The following NEURL1B variants were observed in gnomAD, a reference collection of about 807,000 sequenced individuals.
NEURL1B encodes the protein E3 ubiquitin-protein ligase NEURL1B.
A neutral mutation model predicts 37.4 loss-of-function variants in NEURL1B; 13 were observed. The observed-to-expected ratio is 0.35, with a 90% CI of 0.23 to 0.55. The LOEUF is 0.55. Among genes scored for constraint, NEURL1B ranks in the 20% least tolerant of loss-of-function variants. The probability of loss-of-function intolerance (pLI) is 0.89; values close to 1 mark genes in which losing one functional copy is unlikely to be tolerated. For missense variants in NEURL1B, 790 were observed against 879.2 expected (o/e 0.90, Z 1.28); for synonymous variants, 432 against 426.6 (o/e 1.01, Z -0.16).
At chr5:172,642,477 A>G (rs1208539074) in intron 1 of NEURL1B, among the ~76,000 whole-genome samples, 2 of 152,206 alleles carry the variant, frequency 1.3e-5, no homozygotes, top group Non-Finnish European at 2.9e-5. Flanking sequence ...GCTCGGCTCA[A>G]TGGGGAAGCA....
intron 1 of NEURL1B, among the ~76,000 whole-genome samples, chr5:172,660,377 T>C (rs1009358065): frequency 6.6e-6 from 1 of 152,180 alleles, no homozygotes; most frequent in Non-Finnish European, 1.5e-5. Context: ...TAGGCCTGGA[T>C]GGAGTGAGCT....
intron 1 of NEURL1B, among the ~76,000 whole-genome samples, chr5:172,666,184 C>T (rs938078850): frequency 3.1e-5 from 4 of 127,442 alleles, no homozygotes; most frequent in Non-Finnish European, 6.1e-5. Flanking sequence ...AAACAACAAC[C>T]ACCACCACCA....
At chr5:172,666,013 T>C (rs1758004627) in intron 1 of NEURL1B, among the ~76,000 whole-genome samples, 1 of 152,220 alleles carries the variant, frequency 6.6e-6, no homozygotes, top group Non-Finnish European at 1.5e-5. Context: ...GTCTGCTGCC[T>C]GTGCCAGTCC....
chr5:172,656,063 T>C (rs529455042), intron 1 of NEURL1B, among the ~76,000 whole-genome samples: 1 of 152,232 alleles, frequency 6.6e-6, no homozygotes, highest in Non-Finnish European at 1.5e-5. Flanking sequence ...CCCTGACGCA[T>C]GTGGCCCCTG....
At chr5:172,679,759 G>A (rs909383611) in intron 2 of NEURL1B, among the ~76,000 whole-genome samples, 6 of 152,220 alleles carry the variant, frequency 3.9e-5, no homozygotes, top group Admixed American at 1.3e-4. Flanking sequence ...CACATGTGCT[G>A]TTCTCTGTGC....
intron 1 of NEURL1B, among the ~76,000 whole-genome samples, chr5:172,669,499 T>C (rs1402418275): frequency 6.6e-6 from 1 of 151,680 alleles, no homozygotes; most frequent in Non-Finnish European, 1.5e-5. Flanking sequence ...TGTCGTGGGC[T>C]CTTGGTGTTG....
At chr5:172,681,384 TAC>T (rs1444527274) in intron 2 of NEURL1B, among the ~76,000 whole-genome samples, 1 of 152,228 alleles carries the variant, frequency 6.6e-6, no homozygotes, top group Non-Finnish European at 1.5e-5. Context: ...AATAAAATGA[TAC>T]AGACAGATGT....
intron 1 of NEURL1B, among the ~76,000 whole-genome samples, chr5:172,659,363 G>A (rs775087847): frequency 6.6e-6 from 1 of 152,126 alleles, no homozygotes; most frequent in Non-Finnish European, 1.5e-5. Context: ...CACCCAGGCT[G>A]GGGGAGTGGC....
chr5:172,643,637 G>A (rs560571232), intron 1 of NEURL1B, among the ~76,000 whole-genome samples: 1 of 152,280 alleles, frequency 6.6e-6, no homozygotes, highest in African/African-American at 2.4e-5. Context: ...CCATCCCAGA[G>A]ACTGGTGCCT....
intron 1 of NEURL1B, among the ~76,000 whole-genome samples, chr5:172,663,829 T>TTTTTTTTTATTATTATTATTATTA (rs138220033): frequency 0.046 from 6,460 of 140,754 alleles, 260 homozygotes; most frequent in South Asian, 0.074. Flanking sequence ...GTTTTATTTG[T>TTTTTTTTTATTATTATTATTATTA]TTATTATTAT....
chr5:172,670,281 C>G lies in NEURL1B; in HGVS notation c.528C>G (p.Leu176=). 1 of 1,387,082 alleles carries G rather than the reference C, an allele frequency of 7.2e-7. No homozygotes were observed. Among genetic ancestry groups the G allele is most frequent in the Non-Finnish European group, 9.3e-7 (1 of 1,075,126 alleles). 85.9% of individuals were successfully genotyped at this position (1,387,082 alleles called of 1,614,324 possible). Residue 176 remains leucine (L), a synonymous_variant, in exon 2 of 5, where the codon CTC becomes CTG. Transcript: ENST00000369800. ...FHCGVAVGGP[L]WALIDVYGIT... Reference sequence around the variant, plus strand: ...GCGGCGTGGCCGTGGGCGGCCCGCTCTGGGCGCTCATTGATGTCTACGGCA... The same window carrying G: ...GCGGCGTGGCCGTGGGCGGCCCGCTGTGGGCGCTCATTGATGTCTACGGCA...
intron 1 of NEURL1B, among the ~76,000 whole-genome samples, chr5:172,649,265 A>G (rs1757616104): frequency 6.6e-6 from 1 of 151,008 alleles, no homozygotes; most frequent in African/African-American, 2.4e-5. Flanking sequence ...ATTATCCACG[A>G]AGACGCCTTT....
At position 172,670,042 on chromosome 5, in the gene NEURL1B, C is replaced by G. The variant is rs1758092124; in HGVS notation, c.289C>G (p.Leu97Val). ...CGTGCGCCCTGGCTGGAGCGGCGCG[C>G]TGCGCTTCGGCTTCACCGCGCACGA... ...VAVRPGWSGA[L>V]RFGFTAHDPS... is the part of the protein sequence containing the mutation. The change falls in exon 2 of 5, where the codon CTG (leucine) becomes GTG (valine). Residue 97 changes from leucine (L) to valine (V), a missense_variant. Around this residue, in one of 3 missense-constraint regions of NEURL1B, gnomAD observed 215 missense variants for 309.2 expected, o/e 0.70. Transcript: ENST00000369800. 7 of 1,510,236 alleles carry G rather than the reference C, an allele frequency of 4.6e-6. No individual in the cohort carries two copies. Among genetic ancestry groups the G allele is most frequent in the Non-Finnish European group, 6.2e-6 (7 of 1,135,304 alleles). The allele number at this position is 1,510,236 out of a possible 1,614,324, so 93.6% of individuals were successfully genotyped here.
At position 172,690,495 on chromosome 5, in the gene NEURL1B, A is replaced by G. The variant is rs775109756; in HGVS notation, c.*3570A>G. 6.6e-6 allele frequency: 1 copy of G among 152,262 alleles called. No homozygotes were observed. Among genetic ancestry groups the G allele is most frequent in the African/African-American group, 2.4e-5 (1 of 41,462 alleles). 9.4% of individuals were successfully genotyped at this position (152,262 alleles called of 1,614,324 possible). ...TAAAACAGCACCACATAACGCACACAAAGATACTCCAGAAACATTTGCTGA... is the reference window on the plus strand; with the variant it reads ...TAAAACAGCACCACATAACGCACACGAAGATACTCCAGAAACATTTGCTGA... On this transcript the variant is annotated 3_prime_UTR_variant, in exon 5 of 5. Coordinates refer to ENST00000369800, the MANE Select transcript of NEURL1B (RefSeq NM_001142651.3).
At chr5:172,662,346 T>A (rs1196747006) in intron 1 of NEURL1B, 1 of 153,900 alleles carries the variant, frequency 6.5e-6, no homozygotes, top group Non-Finnish European at 1.5e-5. Context: ...TAAACCCAGG[T>A]CTGACTCCAA....
rs988930145 is a variant in NEURL1B, at chr5:172,683,065, T to G, written c.578-354T>G. Among the ~76,000 whole-genome samples the G allele has an allele frequency of 1.4e-4, 21 of 152,054 alleles. No homozygotes were observed. The highest frequency in any genetic ancestry group is 3.4e-3 in the Middle Eastern group (1 of 294). On this transcript the variant is annotated intron_variant, in intron 2 of 4. Transcript: ENST00000369800. This position sits in a 1 kb window ranked among gnomAD's most constrained non-coding sequence, Gnocchi z 5.6. ...AAACGATTTTTAGATGCCCTTTTAA[T>G]GATCAAAGTATGGAAACCTCGGAAA...
intron 1 of NEURL1B, among the ~76,000 whole-genome samples, chr5:172,643,068 G>A (rs1045539939): frequency 2.0e-5 from 3 of 152,228 alleles, no homozygotes; most frequent in Non-Finnish European, 2.9e-5. Flanking sequence ...ACGCCAGGCA[G>A]GCTAAATATA....
chr5:172,642,562 C>T (rs997893082), intron 1 of NEURL1B, among the ~76,000 whole-genome samples: 1 of 152,208 alleles, frequency 6.6e-6, no homozygotes, highest in African/African-American at 2.4e-5. Flanking sequence ...ATAACACTCC[C>T]ATATAGCTCT....
At chr5:172,666,826 G>A (rs1053777498) in intron 1 of NEURL1B, among the ~76,000 whole-genome samples, 3 of 152,138 alleles carry the variant, frequency 2.0e-5, no homozygotes, top group Admixed American at 1.3e-4. Context: ...TGCATCAGGG[G>A]AGGCCTGGCC....
Sources: gnomAD v4.1 joint callset for allele counts (sites outside exome capture counted in the v4.1 genomes callset) on GRCh38, gnomAD v4.1.1 for gene constraint, gnomAD v4.1.1 regional missense constraint, Gnocchi (gnomAD v3.1) non-coding constraint, MANE v1.5 for transcripts, NCBI Gene and HGNC (gene_info 2026-07-23, HGNC 2026-07-21) for gene names.